The following KIF13A variants were observed in gnomAD, a reference collection of about 807,000 sequenced individuals.
KIF13A encodes kinesin family member 13A.
Under a neutral mutation model 212.2 loss-of-function variants are expected in KIF13A, and 79 were observed. That is an observed-to-expected ratio of 0.37 (90% confidence interval 0.31 to 0.45). The LOEUF (loss-of-function observed/expected upper bound fraction) is 0.45, where lower values mean the gene tolerates loss of function less well. Among genes scored for constraint, KIF13A ranks in the 20% least tolerant of loss-of-function variants. KIF13A has a pLI of 1.00. For missense variants in KIF13A, 1,901 were observed against 2,209.0 expected (o/e 0.86, Z 2.79); for synonymous variants, 789 against 808.6 (o/e 0.98, Z 0.41).
At chr6:17,903,413 C>T (rs1773221183) in intron 2 of KIF13A, among the ~76,000 whole-genome samples, 1 of 152,200 alleles carries the variant, frequency 6.6e-6, no homozygotes, top group East Asian at 1.9e-4. Context: ...ATGGGATTTC[C>T]ATATTGCAAC....
intron 25 of KIF13A, among the ~76,000 whole-genome samples, chr6:17,792,289 T>C (rs188666747): frequency 4.0e-4 from 61 of 151,964 alleles, no homozygotes; most frequent in Non-Finnish European, 7.5e-4. Flanking sequence ...CATATACTTA[T>C]ACTGCAGGTC....
At position 17,773,740 on chromosome 6, in the gene KIF13A, C is replaced by A. The variant is rs921874644; in HGVS notation, c.4219-157G>T. ...CAAATATACAGAAAGGGCTGAATATCGTAAAAAATACTGTCATATCCAAGG... is the reference window on the plus strand; with the variant it reads ...CAAATATACAGAAAGGGCTGAATATAGTAAAAAATACTGTCATATCCAAGG... On this transcript the variant is annotated intron_variant, in intron 35 of 38. Transcript: ENST00000259711. This position sits in a 1 kb window ranked among gnomAD's most constrained non-coding sequence, Gnocchi z 4.2. 1.3e-5 allele frequency among the ~76,000 whole-genome samples: 2 copies of A among 151,768 alleles called. No individual in the cohort carries two copies. The highest frequency in any genetic ancestry group is 2.4e-5 in the African/African-American group (1 of 41,276).
rs1581472893 is a variant in KIF13A, at chr6:17,837,146, G to A, written c.943-56C>T. The A allele has an allele frequency of 1.4e-6, 2 of 1,423,854 alleles. No individual in the cohort carries two copies. The highest frequency in any genetic ancestry group is 2.3e-5 in the East Asian group (1 of 43,752). 88.2% of individuals were successfully genotyped at this position (1,423,854 alleles called of 1,614,324 possible). On this transcript the variant is annotated intron_variant, in intron 10 of 38. Coordinates refer to ENST00000259711, the MANE Select transcript of KIF13A (RefSeq NM_022113.6). This position sits in a 1 kb window ranked among gnomAD's most constrained non-coding sequence, Gnocchi z 5.4. Reference sequence around the variant, plus strand: ...AGCCCATTCCATGGACAACACATATGATAAAAGCACTAAATGTGTTAGGTA... The same window carrying A: ...AGCCCATTCCATGGACAACACATATAATAAAAGCACTAAATGTGTTAGGTA...
chr6:17,796,008 T>G (rs1203646687), intron 23 of KIF13A, among the ~76,000 whole-genome samples: 2 of 152,314 alleles, frequency 1.3e-5, no homozygotes, highest in African/African-American at 4.8e-5. Context: ...CACATAGAGA[T>G]GTAGTTGTTT....
rs1001366614 is a variant in KIF13A at position 17,828,051 on chromosome 6, T to A, written c.1532+189A>T. 1.3e-5 allele frequency among the ~76,000 whole-genome samples: 2 copies of A among 152,216 alleles called. No homozygotes were observed. The highest frequency in any genetic ancestry group is 4.8e-5 in the African/African-American group (2 of 41,456). On this transcript the variant is annotated intron_variant, in intron 14 of 38. Coordinates refer to ENST00000259711, the MANE Select transcript of KIF13A (RefSeq NM_022113.6). The surrounding 1 kb of genome is among the most constrained non-coding windows in gnomAD (Gnocchi z 4.3). The stretch of plus-strand genomic sequence containing the variant: ...CTCAGAGTTATGGATTAAGTGGAAC[T>A]AGAACTCGCATACAAAAATAGTCAC...
chr6:17,987,624 G>A lies in KIF13A; in HGVS notation c.-161C>T. Reference sequence around the variant, plus strand: ...GCGCCGAGGCGCGCGGGCCATCCCGGGGGAGCGCGACGCGGGGCACGGCCG... The same window carrying A: ...GCGCCGAGGCGCGCGGGCCATCCCGAGGGAGCGCGACGCGGGGCACGGCCG... On this transcript the variant is annotated 5_prime_UTR_variant, in exon 1 of 39. Coordinates refer to ENST00000259711, the MANE Select transcript of KIF13A (RefSeq NM_022113.6). This position sits in a 1 kb window ranked among gnomAD's most constrained non-coding sequence, Gnocchi z 7.7. The A allele has an allele frequency of 4.9e-6, 1 of 205,260 alleles. No homozygotes were observed. Among genetic ancestry groups the A allele is most frequent in the South Asian group, 1.7e-4 (1 of 5,900 alleles). 12.7% of individuals were successfully genotyped at this position (205,260 alleles called of 1,614,324 possible).
Position 17,783,329 on chromosome 6 carries a change from T to G in KIF13A, c.3544+317A>C, listed in dbSNP as rs1289817081. ...GAGAGTTAAGGGCACTAGTCAGAGA[T>G]GCAGATTCATAGGCCCTTGCCAAGC... is the stretch of plus-strand genomic sequence containing the variant. On this transcript the variant is annotated intron_variant, in intron 29 of 38. Coordinates refer to ENST00000259711, the MANE Select transcript of KIF13A (RefSeq NM_022113.6). The surrounding 1 kb of genome is among the most constrained non-coding windows in gnomAD (Gnocchi z 4.3). Among the ~76,000 whole-genome samples, 1 of 152,228 alleles carries G rather than the reference T, an allele frequency of 6.6e-6. No homozygotes were observed. Among genetic ancestry groups the G allele is most frequent in the African/African-American group, 2.4e-5 (1 of 41,464 alleles).
At chr6:17,959,274 C>A (rs189443659) in intron 2 of KIF13A, among the ~76,000 whole-genome samples, 20 of 152,262 alleles carry the variant, frequency 1.3e-4, no homozygotes, top group African/African-American at 4.1e-4. Context: ...CTAGAGACAG[C>A]CTCATCTATG....
At chr6:17,911,013 T>A (rs533766372) in intron 2 of KIF13A, among the ~76,000 whole-genome samples, 40 of 152,306 alleles carry the variant, frequency 2.6e-4, no homozygotes, top group African/African-American at 7.7e-4. Flanking sequence ...TCCGCCCGCC[T>A]CAGCCTCCCA....
At chr6:17,788,619 A>C (rs978375545) in intron 26 of KIF13A, among the ~76,000 whole-genome samples, 3 of 152,002 alleles carry the variant, frequency 2.0e-5, no homozygotes, top group African/African-American at 7.3e-5. Context: ...AAATCCATCA[A>C]TTCTATTAAA....
chr6:17,922,868 C>T (rs1260153156), intron 2 of KIF13A, among the ~76,000 whole-genome samples: 1 of 152,020 alleles, frequency 6.6e-6, no homozygotes, highest in Non-Finnish European at 1.5e-5. Context: ...AAGCGATCCT[C>T]TTGCCTCAGC....
chr6:17,850,256 C>A lies in KIF13A; in HGVS notation c.717+67G>T. ...AGCCACTGAACCCAACCATGAAAGA[C>A]TTTACCTATATGGACACTTTCAGTT... On this transcript the variant is annotated intron_variant, in intron 8 of 38. Transcript: ENST00000259711. This position sits in a 1 kb window ranked among gnomAD's most constrained non-coding sequence, Gnocchi z 6.2. 2.0e-5 allele frequency: 30 copies of A among 1,479,484 alleles called. 1 individual carries two copies. In the South Asian group the frequency reaches 3.7e-4, roughly 18 times the overall value. The allele number at this position is 1,479,484 out of a possible 1,614,324, so 91.6% of individuals were successfully genotyped here.
At position 17,912,011 on chromosome 6, in the gene KIF13A, G is replaced by A. The variant is rs1429783022; in HGVS notation, c.147-13831C>T. ...ACTCCTGAGCTCAGGCGATTACCCC[G>A]TCTTGGGCTCCCAAAGTGCTGGGAT... On this transcript the variant is annotated intron_variant, in intron 2 of 38. Transcript: ENST00000259711. The surrounding 1 kb of genome is among the most constrained non-coding windows in gnomAD (Gnocchi z 4.2). Among the ~76,000 whole-genome samples, 5 of 152,086 alleles carry A rather than the reference G, an allele frequency of 3.3e-5. No individual in the cohort carries two copies. The highest frequency in any genetic ancestry group is 1.2e-4 in the African/African-American group (5 of 41,416).
chr6:17,781,409 A>AT (rs1760564022), intron 29 of KIF13A, 108 bp from the exon 30 acceptor site: 8 of 1,200,094 alleles, frequency 6.7e-6, no homozygotes, highest in Non-Finnish European at 9.1e-6. Flanking sequence ...CACATAACAC[A>AT]TTTTTCTTTT....
intron 2 of KIF13A, among the ~76,000 whole-genome samples, chr6:17,931,823 GA>G (rs1323703665): frequency 6.6e-6 from 1 of 151,906 alleles, no homozygotes; most frequent in African/African-American, 2.4e-5. Context: ...ATGATAATGG[GA>G]AAAAAATGCA....
rs201791403 is a variant in KIF13A, at chr6:17,831,073, T to C, written c.1401+28A>G. 1.2e-3 allele frequency: 1,930 copies of C among 1,594,680 alleles called. 5 individuals are homozygous for C. The highest frequency in any genetic ancestry group is 1.6e-3 in the Non-Finnish European group (1,827 of 1,169,856). On this transcript the variant is annotated intron_variant, in intron 13 of 38. Transcript: ENST00000259711. The stretch of plus-strand genomic sequence containing the variant: ...CGAACTGTATAGGAATGAATCTTGA[T>C]TGCATATGTATTTATATGTTCTCCT...
chr6:17,934,054 G>T lies in KIF13A; in HGVS notation c.147-35874C>A, dbSNP rs1314202030. 6.6e-6 allele frequency among the ~76,000 whole-genome samples: 1 copy of T among 152,150 alleles called. No individual in the cohort carries two copies. The highest frequency in any genetic ancestry group is 1.9e-4 in the East Asian group (1 of 5,206). On this transcript the variant is annotated intron_variant, in intron 2 of 38. Transcript: ENST00000259711. This position sits in a 1 kb window ranked among gnomAD's most constrained non-coding sequence, Gnocchi z 5.4. ...TTTATAACTCAATTCAATCTAAATT[G>T]TGTCGTTAGGGTCAACTTTTATTTT... is the stretch of plus-strand genomic sequence containing the variant.
intron 38 of KIF13A, among the ~76,000 whole-genome samples, chr6:17,766,668 T>C (rs1200898845): frequency 6.6e-6 from 1 of 152,006 alleles, no homozygotes; most frequent in Non-Finnish European, 1.5e-5. Context: ...AATCCTCCAA[T>C]CTCTGCCTCC....
At chr6:17,902,882 A>T (rs1773169971) in intron 2 of KIF13A, among the ~76,000 whole-genome samples, 1 of 152,194 alleles carries the variant, frequency 6.6e-6, no homozygotes, top group South Asian at 2.1e-4. Flanking sequence ...CTATTCATGT[A>T]GGGCTGAGTA....
Sources: gnomAD v4.1 joint callset for allele counts (sites outside exome capture counted in the v4.1 genomes callset) on GRCh38, gnomAD v4.1.1 for gene constraint, Gnocchi (gnomAD v3.1) non-coding constraint, MANE v1.5 for transcripts, NCBI Gene and HGNC (gene_info 2026-07-23, HGNC 2026-07-21) for gene names.